Variants in DCLK1 observed in about 807,000 individuals in gnomAD.
DCLK1 encodes the protein doublecortin like kinase 1.
In DCLK1, 16 loss-of-function variants were observed where a neutral mutation model predicts 86.2. The ratio of observed to expected loss-of-function variants is 0.19; its 90% CI spans 0.13 to 0.28. DCLK1 has a LOEUF of 0.28. DCLK1 is among the 10% of genes least tolerant of loss of function. The pLI is 1.00. For synonymous variants in DCLK1, 369 were observed against 370.5 expected (o/e 1.00, Z 0.05); for missense variants, 590 against 940.2 (o/e 0.63, Z 4.87).
chr13:35,843,014 G>C (rs1042392405), intron 6 of DCLK1, among the ~76,000 whole-genome samples: 2 of 152,152 alleles, frequency 1.3e-5, no homozygotes, highest in Non-Finnish European at 2.9e-5. Flanking sequence ...ATGTGTAAGT[G>C]CTTGCTCTTT....
intron 15 of DCLK1, among the ~76,000 whole-genome samples, chr13:35,804,712 C>T (rs150370162): frequency 0.013 from 2,008 of 152,252 alleles, 24 homozygotes; most frequent in Non-Finnish European, 0.022. Flanking sequence ...GGATTACAGG[C>T]GTGAGGCACT....
chr13:35,945,101 T>C (rs1316061489), intron 4 of DCLK1, among the ~76,000 whole-genome samples: 3 of 152,198 alleles, frequency 2.0e-5, no homozygotes, highest in South Asian at 2.1e-4. Context: ...GGTTTCTCCA[T>C]GTTGGTCAGG....
At chr13:36,002,474 C>T (rs190170658) in intron 3 of DCLK1, among the ~76,000 whole-genome samples, 1 of 152,232 alleles carries the variant, frequency 6.6e-6, no homozygotes, top group Admixed American at 6.5e-5. Flanking sequence ...GGAGGAATGG[C>T]AATCTTTTTT....
intron 4 of DCLK1, among the ~76,000 whole-genome samples, chr13:35,888,451 T>C (rs182980650): frequency 1.4e-4 from 22 of 152,362 alleles, no homozygotes; most frequent in Admixed American, 1.4e-3. Flanking sequence ...TTGATTTATT[T>C]CCCTTAAACC....
intron 4 of DCLK1, among the ~76,000 whole-genome samples, chr13:35,887,554 G>C (rs1873350005): frequency 6.6e-6 from 1 of 152,134 alleles, no homozygotes; most frequent in African/African-American, 2.4e-5. Flanking sequence ...AAGAGACTGG[G>C]TGGGAAAGAC....
intron 4 of DCLK1, among the ~76,000 whole-genome samples, chr13:35,888,833 A>T (rs1343918011): frequency 6.6e-6 from 1 of 152,226 alleles, no homozygotes; most frequent in Non-Finnish European, 1.5e-5. Context: ...TGGTGGCTAG[A>T]CTTATCATCT....
Position 35,854,578 on chromosome 13 carries a change from C to A in DCLK1, c.956G>T (p.Gly319Val). ...ASTSSVNGTPGSQLSTPRSGK... is the reference protein window; with the variant it reads ...ASTSSVNGTPVSQLSTPRSGK... ...TGAGCGCGGAGTAGAGAGCTGACTA[C>A]CAGGGGTTCCATTAACTAGAAATAC... Residue 319 changes from glycine to valine, a missense_variant, in exon 6 of 17, where the codon GGT (glycine) becomes GTT (valine). Physicochemically the swap from Gly to Val is moderately radical, Grantham distance 109 (BLOSUM62 -3). Transcript: ENST00000360631. 6.3e-7 allele frequency: 1 copy of A among 1,596,092 alleles called. No individual in the cohort carries two copies. Among genetic ancestry groups the A allele is most frequent in the Non-Finnish European group, 8.6e-7 (1 of 1,169,342 alleles).
chr13:36,003,078 A>G (rs1162619593), intron 3 of DCLK1, among the ~76,000 whole-genome samples: 2 of 152,114 alleles, frequency 1.3e-5, no homozygotes, highest in African/African-American at 4.8e-5. Flanking sequence ...AAACTATCTG[A>G]TCTTATCTGA....
intron 3 of DCLK1, among the ~76,000 whole-genome samples, chr13:36,079,540 G>A (rs1429513621): frequency 6.6e-6 from 1 of 152,086 alleles, no homozygotes. Context: ...GCTGAGGCAG[G>A]AGAATTGCTT....
At chr13:35,922,827 C>T (rs1321219888) in intron 4 of DCLK1, among the ~76,000 whole-genome samples, 1 of 152,164 alleles carries the variant, frequency 6.6e-6, no homozygotes, top group Non-Finnish European at 1.5e-5. Context: ...CAAAGTCACA[C>T]AGCTTCAAGT....
At chr13:35,780,165 A>G (rs536826008) in intron 16 of DCLK1, among the ~76,000 whole-genome samples, 5 of 152,234 alleles carry the variant, frequency 3.3e-5, no homozygotes. Context: ...CTCTTTATCA[A>G]TCACAAAAAA....
At chr13:36,007,783 T>TA (rs1307163674) in intron 3 of DCLK1, among the ~76,000 whole-genome samples, 1 of 152,158 alleles carries the variant, frequency 6.6e-6, no homozygotes, top group Non-Finnish European at 1.5e-5. Flanking sequence ...TTCAAATAAC[T>TA]AACGAAACTG....
intron 4 of DCLK1, among the ~76,000 whole-genome samples, chr13:35,944,379 C>T (rs1877250696): frequency 6.6e-6 from 1 of 152,234 alleles, no homozygotes; most frequent in Non-Finnish European, 1.5e-5. Flanking sequence ...CCACCGCTGA[C>T]ACCCCTTTAA....
chr13:35,836,539 A>C (rs1869395849), intron 7 of DCLK1, among the ~76,000 whole-genome samples: 2 of 152,032 alleles, frequency 1.3e-5, no homozygotes, highest in Non-Finnish European at 2.9e-5. Context: ...TTCGCAAGGG[A>C]CTCTGGGCTG....
intron 3 of DCLK1, among the ~76,000 whole-genome samples, chr13:36,021,570 A>C (rs930610372): frequency 6.6e-6 from 1 of 152,084 alleles, no homozygotes; most frequent in Non-Finnish European, 1.5e-5. Flanking sequence ...AATATGCCAA[A>C]AGTAACCAAA....
intron 2 of DCLK1, among the ~76,000 whole-genome samples, chr13:36,119,401 TC>T (rs1443914372): frequency 6.6e-6 from 1 of 152,072 alleles, no homozygotes; most frequent in African/African-American, 2.4e-5. Flanking sequence ...ATAGGCAAGA[TC>T]CACCAATAAA....
intron 3 of DCLK1, among the ~76,000 whole-genome samples, chr13:35,981,104 CA>C (rs1010433790): frequency 6.6e-6 from 1 of 151,982 alleles, no homozygotes; most frequent in African/African-American, 2.4e-5. Flanking sequence ...TTGCTAGGAA[CA>C]AAGAGAGCCA....
At chr13:35,853,235 G>A (rs987906393) in intron 6 of DCLK1, among the ~76,000 whole-genome samples, 5 of 152,190 alleles carry the variant, frequency 3.3e-5, no homozygotes, top group African/African-American at 1.2e-4. Context: ...AGGTAGAATG[G>A]AATTATTGGG....
At chr13:36,083,545 A>T (rs971015365) in intron 3 of DCLK1, among the ~76,000 whole-genome samples, 4 of 152,228 alleles carry the variant, frequency 2.6e-5, no homozygotes, top group Non-Finnish European at 5.9e-5. Flanking sequence ...AGGTACTGTA[A>T]ATCTTACAAA....
Sources: allele counts gnomAD v4.1 joint callset (sites outside exome capture counted in the v4.1 genomes callset), GRCh38; gene constraint gnomAD v4.1.1; transcripts MANE v1.5; gene names NCBI Gene and HGNC (gene_info 2026-07-23, HGNC 2026-07-21).